Variants in NAALADL2 observed in about 807,000 individuals in gnomAD.
NAALADL2 encodes the protein inactive N-acetylated-alpha-linked acidic dipeptidase-like protein 2.
In NAALADL2, 76 loss-of-function variants were observed where a neutral mutation model predicts 87.2. The ratio of observed to expected loss-of-function variants is 0.87; its 90% CI spans 0.72 to 1.05. NAALADL2 has a LOEUF of 1.05. NAALADL2 is among the 50% of genes least tolerant of loss of function. NAALADL2 has a pLI of 0.00. For synonymous variants in NAALADL2, 354 were observed against 331.0 expected (o/e 1.07, Z -0.75); for missense variants, 1,089 against 945.8 (o/e 1.15, Z -1.99).
At chr3:175,240,280 T>C (rs778440404) in intron 3 of NAALADL2, among the ~76,000 whole-genome samples, 26 of 152,194 alleles carry the variant, frequency 1.7e-4, no homozygotes, top group Admixed American at 3.3e-4. Flanking sequence ...AAAATATCAA[T>C]ATGTAGTGCC....
chr3:174,736,704 C>T (rs1253080568), intron 2 of NAALADL2, among the ~76,000 whole-genome samples: 2 of 152,160 alleles, frequency 1.3e-5, no homozygotes, highest in Non-Finnish European at 2.9e-5. Flanking sequence ...AGTTCCCATT[C>T]TGGTCCATCA....
At chr3:174,640,454 AGT>A (rs60675602) in intron 2 of NAALADL2, among the ~76,000 whole-genome samples, 1 of 151,842 alleles carries the variant, frequency 6.6e-6, no homozygotes, top group Non-Finnish European at 1.5e-5. Flanking sequence ...AAGATTGATC[AGT>A]GTGTGTGTGT....
At chr3:174,628,788 T>C (rs1004129521) in intron 2 of NAALADL2, among the ~76,000 whole-genome samples, 5 of 152,332 alleles carry the variant, frequency 3.3e-5, no homozygotes, top group Non-Finnish European at 5.9e-5. Flanking sequence ...CATTCAGTGA[T>C]TTTCCCTATA....
At chr3:174,713,654 T>G (rs1303495441) in intron 2 of NAALADL2, among the ~76,000 whole-genome samples, 1 of 152,180 alleles carries the variant, frequency 6.6e-6, no homozygotes, top group Non-Finnish European at 1.5e-5. Flanking sequence ...TGGGGTTGTT[T>G]TTTTCTTGTA....
chr3:175,301,156 G>T (rs911647155), intron 4 of NAALADL2, among the ~76,000 whole-genome samples: 1 of 152,056 alleles, frequency 6.6e-6, no homozygotes, highest in African/African-American at 2.4e-5. Flanking sequence ...GAATTTGTTT[G>T]CTCTTGCTTC....
At chr3:175,704,633 CAG>C (rs1739427482) in intron 11 of NAALADL2, among the ~76,000 whole-genome samples, 2 of 152,264 alleles carry the variant, frequency 1.3e-5, no homozygotes, top group Non-Finnish European at 1.5e-5. Context: ...ACTCTCGATA[CAG>C]AGTCTTTCCA....
rs181753366 is a variant in NAALADL2, at chr3:175,065,236, G to A, written c.44-31554G>A. Among the ~76,000 whole-genome samples the A allele has an allele frequency of 2.7e-3, 404 of 152,168 alleles. 1 individual carries two copies. Among genetic ancestry groups the A allele is most frequent in the Middle Eastern group, 0.01 (3 of 294 alleles). On this transcript the variant is annotated intron_variant, in intron 1 of 13. Transcript: ENST00000454872. ...CTTGATGGACCCACATTTAGGAGAC[G>A]CTTAACAACCTAGTGCTTCTATTGT...
At chr3:175,599,132 T>G (rs1035856219) in intron 10 of NAALADL2, among the ~76,000 whole-genome samples, 11 of 152,142 alleles carry the variant, frequency 7.2e-5, no homozygotes, top group Non-Finnish European at 1.5e-4. Context: ...TTCTGAAACG[T>G]GAACTATGAA....
chr3:174,495,262 C>T (rs918078893), intron 1 of NAALADL2, among the ~76,000 whole-genome samples: 1 of 69,264 alleles, frequency 1.4e-5, no homozygotes, highest in Admixed American at 1.8e-4. Flanking sequence ...TATTAACAAA[C>T]CAAAAAAAAA....
intron 1 of NAALADL2, among the ~76,000 whole-genome samples, chr3:174,995,350 G>T (rs1438725828): frequency 6.6e-6 from 1 of 151,982 alleles, no homozygotes; most frequent in Admixed American, 6.6e-5. Flanking sequence ...CCATTTATTT[G>T]TTTAATTAAT....
At chr3:174,585,299 G>C (rs1404960537) in intron 2 of NAALADL2, among the ~76,000 whole-genome samples, 5 of 152,126 alleles carry the variant, frequency 3.3e-5, no homozygotes, top group South Asian at 2.1e-4. Flanking sequence ...TGAGCTCACT[G>C]TATCATAGAA....
rs573243378 is a variant in NAALADL2 at position 174,786,372 on chromosome 3, A to G, written c.-9+48626A>G. ...AGGCTGAGGTAGGAGATGTGCTTGA[A>G]CCCAGGAGGTGGAGGTTGCAGTGAG... On this transcript the variant is annotated intron_variant, in intron 3 of 3. Coordinates refer to the NAALADL2 transcript ENST00000434257. 4.7e-5 allele frequency among the ~76,000 whole-genome samples: 7 copies of G among 149,996 alleles called. No individual in the cohort carries two copies. The East Asian group carries it at 1.4e-3, about 29-fold the overall frequency.
chr3:174,722,403 G>A (rs796925959), intron 2 of NAALADL2, among the ~76,000 whole-genome samples: 12 of 152,228 alleles, frequency 7.9e-5, no homozygotes, highest in African/African-American at 2.6e-4. Flanking sequence ...AATAAAGAGT[G>A]ATTAATAACG....
At chr3:174,679,258 ATTATAT>A (rs1238015649) in intron 2 of NAALADL2, among the ~76,000 whole-genome samples, 3 of 152,096 alleles carry the variant, frequency 2.0e-5, no homozygotes, top group African/African-American at 7.2e-5. Flanking sequence ...CACTGTGGAT[ATTATAT>A]TTATATATAT....
intron 4 of NAALADL2, among the ~76,000 whole-genome samples, chr3:175,288,410 A>G (rs1249594078): frequency 6.6e-6 from 1 of 152,232 alleles, no homozygotes; most frequent in East Asian, 1.9e-4. Context: ...ATTGATGTTT[A>G]ATGAAATATC....
intron 1 of NAALADL2, among the ~76,000 whole-genome samples, chr3:174,968,724 G>A (rs1187588324): frequency 1.3e-5 from 2 of 152,124 alleles, no homozygotes; most frequent in East Asian, 1.9e-4. Flanking sequence ...GTGATCCGCC[G>A]CCTCGGCCTC....
At chr3:174,780,763 A>G (rs1425957339) in intron 3 of NAALADL2, among the ~76,000 whole-genome samples, 2 of 151,806 alleles carry the variant, frequency 1.3e-5, no homozygotes, top group Admixed American at 1.3e-4. Flanking sequence ...TCATTGGGGC[A>G]TTTAGCCAAT....
rs548031123 is a variant in NAALADL2 at position 175,120,622 on chromosome 3, G to A, written c.545+23331G>A. 6.6e-5 allele frequency among the ~76,000 whole-genome samples: 10 copies of A among 151,842 alleles called. No individual in the cohort carries two copies. The South Asian group carries it at 1.9e-3, about 28-fold the overall frequency. On this transcript the variant is annotated intron_variant, in intron 2 of 13. Coordinates refer to ENST00000454872, the MANE Select transcript of NAALADL2 (RefSeq NM_207015.3). ...ATTTTAATAATTGCATGTTACAATGGTCTTGCAATAAAAAGTCTGTTATCT... is the reference window on the plus strand; with the variant it reads ...ATTTTAATAATTGCATGTTACAATGATCTTGCAATAAAAAGTCTGTTATCT...
intron 10 of NAALADL2, among the ~76,000 whole-genome samples, chr3:175,579,217 A>G (rs1719373848): frequency 6.7e-6 from 1 of 148,530 alleles, no homozygotes; most frequent in South Asian, 2.1e-4. Context: ...CTATCTATCT[A>G]TCTATCATCT....
Sources: gnomAD v4.1 joint callset for allele counts (sites outside exome capture counted in the v4.1 genomes callset) on GRCh38, gnomAD v4.1.1 for gene constraint, MANE v1.5 for transcripts, NCBI Gene and HGNC (gene_info 2026-07-23, HGNC 2026-07-21) for gene names.